The following C1QTNF9 variants were observed in gnomAD, a reference collection of about 807,000 sequenced individuals.
C1QTNF9 encodes the protein C1q and TNF related 9.
C1QTNF9 carries 6 observed loss-of-function variants against 10.1 expected under a neutral mutation model. The observed-to-expected ratio is 0.59, with a 90% CI of 0.32 to 1.17. The LOEUF (loss-of-function observed/expected upper bound fraction) is 1.17. C1QTNF9 is among the 50% of genes most tolerant of loss of function. The pLI is 0.04. For synonymous variants in C1QTNF9, 98 were observed against 163.5 expected (o/e 0.60, Z 3.06); for missense variants, 201 against 418.8 (o/e 0.48, Z 4.54).
chr13:24,308,569 G>A (rs1031889107), upstream of C1QTNF9, among the ~76,000 whole-genome samples: 1 of 152,246 alleles, frequency 6.6e-6, no homozygotes, highest in African/African-American at 2.4e-5. Context: ...AGGCACGGGG[G>A]CGAGTAAGGC....
intron 1 of C1QTNF9, among the ~76,000 whole-genome samples, chr13:24,314,417 T>A (rs1486273739): frequency 1.3e-5 from 2 of 150,432 alleles, no homozygotes; most frequent in East Asian, 3.9e-4. Context: ...AGGCAATGGC[T>A]CATGCCTGTA....
Position 24,318,712 on chromosome 13 carries a change from G to A in C1QTNF9, c.167-106G>A, listed in dbSNP as rs939319205. The A allele has an allele frequency of 4.0e-6, 6 of 1,511,376 alleles. No individual in the cohort carries two copies. The African/African-American group carries it at 8.3e-5, about 21-fold the overall frequency. The allele number at this position is 1,511,376 out of a possible 1,614,324, so 93.6% of individuals were successfully genotyped here. A position where few individuals can be genotyped will look rare whatever the true frequency, so the allele number is the denominator to read the frequency against. On this transcript the variant is annotated intron_variant, in intron 2 of 3. Coordinates refer to ENST00000332018, the Ensembl canonical transcript of C1QTNF9. Reference sequence around the variant, plus strand: ...GGAGGACAGAGTGCCCGTCAGGGCGGGGGTCACCCCCAGACTCTCCAACAC... The same window carrying A: ...GGAGGACAGAGTGCCCGTCAGGGCGAGGGTCACCCCCAGACTCTCCAACAC...
At chr13:24,308,455 C>T (rs1877684383), upstream of C1QTNF9, among the ~76,000 whole-genome samples, 1 of 152,206 alleles carries the variant, frequency 6.6e-6, no homozygotes, top group Non-Finnish European at 1.5e-5. Context: ...CTGCGGGGTG[C>T]CGGGGAGAAG....
At chr13:24,313,466 T>C (rs1367517505) in intron 1 of C1QTNF9, among the ~76,000 whole-genome samples, 1 of 152,222 alleles carries the variant, frequency 6.6e-6, no homozygotes. Context: ...TTGATGGAAT[T>C]TCGATTTGAC....
chr13:24,317,836 G>A (rs770890180), intron 2 of C1QTNF9, among the ~76,000 whole-genome samples: 46 of 150,484 alleles, frequency 3.1e-4, no homozygotes, highest in Non-Finnish European at 6.1e-4. Flanking sequence ...ACACAGGGGA[G>A]CAGCCAGTGG....
chr13:24,321,222 C>T, exon 4 of C1QTNF9: 2 of 1,295,436 alleles, frequency 1.5e-6, no homozygotes, highest in South Asian at 1.4e-5. Context: ...GTTTACCGGG[C>T]CCCATGGGCC....
At chr13:24,307,222 C>T (rs567618956), upstream of C1QTNF9, 4 of 152,296 alleles carry the variant, frequency 2.6e-5, no homozygotes, top group South Asian at 8.3e-4. Flanking sequence ...CTCCATGTAA[C>T]CACTGGGTAG....
intron 1 of C1QTNF9, among the ~76,000 whole-genome samples, chr13:24,313,225 T>C (rs965806776): frequency 2.0e-5 from 3 of 152,208 alleles, no homozygotes; most frequent in Non-Finnish European, 2.9e-5. Flanking sequence ...CTACATGCTG[T>C]ATAAACAAGC....
At chr13:24,314,118 A>C (rs1325822109) in intron 1 of C1QTNF9, among the ~76,000 whole-genome samples, 1 of 152,210 alleles carries the variant, frequency 6.6e-6, no homozygotes, top group Non-Finnish European at 1.5e-5. Flanking sequence ...AGGGTGAAAG[A>C]CATAGATGTC....
At chr13:24,311,709 A>G (rs1436950495) in intron 1 of C1QTNF9, among the ~76,000 whole-genome samples, 1 of 152,176 alleles carries the variant, frequency 6.6e-6, no homozygotes, top group Non-Finnish European at 1.5e-5. Flanking sequence ...ACCCCAAATA[A>G]CAGTGGCTTA....
At chr13:24,318,918 T>G in intron 3 of C1QTNF9, 38 bp downstream of exon 3, 1 of 1,607,790 alleles carries the variant, frequency 6.2e-7, no homozygotes, top group African/African-American at 1.3e-5. Flanking sequence ...AATTCTGAGC[T>G]GTCGACTATT....
chr13:24,318,723 C>T, intron 2 of C1QTNF9, 95 bp from the exon 3 acceptor site: 1 of 1,574,606 alleles, frequency 6.4e-7, no homozygotes, highest in Non-Finnish European at 8.7e-7. Context: ...GGGTCACCCC[C>T]AGACTCTCCA....
chr13:24,321,765 G>A lies in C1QTNF9; in HGVS notation c.999G>A (p.Pro333=), dbSNP rs143548748. Residue 333 remains proline (P), a synonymous_variant, in exon 4 of 4, where the codon CCG becomes CCA. Transcript: ENST00000332018. ...CAGGGTTCCTTCTGTTCAGCAGCCC[G>A]TGACAGAGGAGAGTTTAAAAATCCG... 2.9e-4 allele frequency: 459 copies of A among 1,559,000 alleles called. 2 individuals are homozygous for A. Among genetic ancestry groups the A allele is most frequent in the Non-Finnish European group, 3.4e-4 (395 of 1,151,890 alleles).
intron 1 of C1QTNF9, among the ~76,000 whole-genome samples, chr13:24,312,942 G>C (rs1003516675): frequency 3.9e-4 from 53 of 136,354 alleles, no homozygotes; most frequent in African/African-American, 1.3e-3. Context: ...GCGACAGAGC[G>C]AGACTCTATC....
At chr13:24,313,842 C>T (rs1877928312) in intron 1 of C1QTNF9, among the ~76,000 whole-genome samples, 1 of 152,214 alleles carries the variant, frequency 6.6e-6, no homozygotes, top group African/African-American at 2.4e-5. Flanking sequence ...TGTCAATATT[C>T]ATACAGTCGT....
upstream of C1QTNF9, among the ~76,000 whole-genome samples, chr13:24,308,983 AC>A (rs1160193032): frequency 6.6e-6 from 1 of 152,094 alleles, no homozygotes; most frequent in Non-Finnish European, 1.5e-5. Context: ...CTGAATCCTT[AC>A]CTACACAAAT....
exon 4 of C1QTNF9, chr13:24,321,767 G>A: frequency 1.3e-6 from 2 of 1,551,634 alleles, no homozygotes; most frequent in Non-Finnish European, 1.7e-6. Context: ...AGCAGCCCGT[G>A]ACAGAGGAGA....
chr13:24,315,195 A>G (rs1877979599), intron 1 of C1QTNF9, among the ~76,000 whole-genome samples: 1 of 152,174 alleles, frequency 6.6e-6, no homozygotes, highest in African/African-American at 2.4e-5. Context: ...TGTACCCATC[A>G]AACAACTCCC....
At chr13:24,317,078 A>C (rs1359989798) in intron 2 of C1QTNF9, among the ~76,000 whole-genome samples, 1 of 152,158 alleles carries the variant, frequency 6.6e-6, no homozygotes, top group East Asian at 1.9e-4. Context: ...AGGAAGCAAC[A>C]TTCTTTCTAA....
Sources: gnomAD v4.1 joint callset for allele counts (sites outside exome capture counted in the v4.1 genomes callset) on GRCh38, gnomAD v4.1.1 for gene constraint, MANE v1.5 for transcripts, NCBI Gene and HGNC (gene_info 2026-07-23, HGNC 2026-07-21) for gene names.